TMEM132C: variants seen among roughly 807,000 people sequenced by gnomAD.
The protein encoded by TMEM132C is protein phosphatase 1, regulatory subunit 152.
A neutral mutation model predicts 61.4 loss-of-function variants in TMEM132C; 29 were observed. The observed-to-expected ratio is 0.47, with a 90% CI of 0.35 to 0.64. The LOEUF (loss-of-function observed/expected upper bound fraction) is 0.64. Among genes scored for constraint, TMEM132C ranks in the 30% least tolerant of loss-of-function variants. TMEM132C has a pLI of 0.00. For synonymous variants in TMEM132C, 656 were observed against 633.1 expected (o/e 1.04, Z -0.54); for missense variants, 1,408 against 1,476.9 (o/e 0.95, Z 0.76).
At chr12:128,346,207 T>C (rs1179810267) in intron 1 of TMEM132C, among the ~76,000 whole-genome samples, 2 of 152,192 alleles carry the variant, frequency 1.3e-5, no homozygotes, top group East Asian at 3.9e-4. Context: ...AAAGAGTAGA[T>C]AGCTGTAGGT....
chr12:128,604,272 G>A (rs187836747), intron 3 of TMEM132C, among the ~76,000 whole-genome samples: 249 of 152,230 alleles, frequency 1.6e-3, no homozygotes, highest in African/African-American at 5.5e-3. Flanking sequence ...AATGGATAGA[G>A]TGATTAATTG....
intron 3 of TMEM132C, among the ~76,000 whole-genome samples, chr12:128,576,783 A>G (rs955055211): frequency 6.6e-6 from 1 of 152,050 alleles, no homozygotes; most frequent in South Asian, 2.1e-4. Context: ...GGTTGTCGAC[A>G]TTGTTGTTGT....
At chr12:128,581,381 C>G (rs1214519890) in intron 3 of TMEM132C, among the ~76,000 whole-genome samples, 3 of 152,048 alleles carry the variant, frequency 2.0e-5, no homozygotes, top group African/African-American at 7.3e-5. Context: ...TGGTGAGGCC[C>G]CTTGCAGACT....
chr12:128,542,330 G>C (rs1873786308), intron 2 of TMEM132C, among the ~76,000 whole-genome samples: 1 of 152,076 alleles, frequency 6.6e-6, no homozygotes, highest in South Asian at 2.1e-4. Context: ...TCTTGAGTTG[G>C]AGCCTTGCTC....
At chr12:128,694,459 TG>T (rs1463047042) in intron 6 of TMEM132C, among the ~76,000 whole-genome samples, 5 of 152,230 alleles carry the variant, frequency 3.3e-5, no homozygotes, top group Non-Finnish European at 7.3e-5. Flanking sequence ...TAGTGGATGC[TG>T]GAATCATTAT....
intron 3 of TMEM132C, among the ~76,000 whole-genome samples, chr12:128,552,340 C>T (rs960424678): frequency 6.6e-6 from 1 of 152,186 alleles, no homozygotes; most frequent in African/African-American, 2.4e-5. Flanking sequence ...CAGAATAATA[C>T]TGTGTGTATT....
intron 2 of TMEM132C, among the ~76,000 whole-genome samples, chr12:128,539,843 C>T (rs1348129567): frequency 3.9e-5 from 6 of 152,130 alleles, no homozygotes; most frequent in Non-Finnish European, 1.5e-5. Flanking sequence ...GTATTGATCA[C>T]GTGGCCTGGT....
intron 4 of TMEM132C, among the ~76,000 whole-genome samples, chr12:128,666,216 C>G (rs11059817): frequency 0.23 from 34,632 of 149,272 alleles, 4,117 homozygotes; most frequent in South Asian, 0.35. Context: ...TAAACAGGCA[C>G]CCACACACAC....
chr12:128,306,483 T>G (rs1871788673), intron 1 of TMEM132C, among the ~76,000 whole-genome samples: 1 of 152,110 alleles, frequency 6.6e-6, no homozygotes, highest in South Asian at 2.1e-4. Flanking sequence ...ATTACAGGCG[T>G]GAGCCACCGC....
intron 2 of TMEM132C, among the ~76,000 whole-genome samples, chr12:128,467,897 C>T (rs776718030): frequency 5.9e-5 from 9 of 152,322 alleles, no homozygotes; most frequent in African/African-American, 9.6e-5. Context: ...GGATGCTCCT[C>T]GCCCTCATGA....
intron 2 of TMEM132C, among the ~76,000 whole-genome samples, chr12:128,495,875 A>T (rs1871934070): frequency 6.6e-6 from 1 of 152,154 alleles, no homozygotes; most frequent in South Asian, 2.1e-4. Context: ...TCCTGTCATT[A>T]TGATGTTAGC....
At chr12:128,351,107 G>A (rs904917675) in intron 1 of TMEM132C, among the ~76,000 whole-genome samples, 12 of 152,128 alleles carry the variant, frequency 7.9e-5, no homozygotes, top group South Asian at 2.1e-4. Context: ...GTGTGGGGTC[G>A]TCCTGTAACT....
At chr12:128,373,698 C>T (rs576875668) in intron 1 of TMEM132C, among the ~76,000 whole-genome samples, 27 of 152,238 alleles carry the variant, frequency 1.8e-4, no homozygotes, top group African/African-American at 6.0e-4. Flanking sequence ...TTAGAGGATA[C>T]GAAAGGATTC....
chr12:128,328,108 G>A (rs546902752), intron 1 of TMEM132C, among the ~76,000 whole-genome samples: 1 of 152,082 alleles, frequency 6.6e-6, no homozygotes, highest in Non-Finnish European at 1.5e-5. Flanking sequence ...GTGGGGGCAT[G>A]GGGAGTGGAG....
intron 2 of TMEM132C, among the ~76,000 whole-genome samples, chr12:128,500,420 G>A (rs969907847): frequency 1.3e-5 from 2 of 151,350 alleles, no homozygotes; most frequent in African/African-American, 4.9e-5. Flanking sequence ...CTGCAGAATG[G>A]TAACAATATT....
intron 4 of TMEM132C, among the ~76,000 whole-genome samples, chr12:128,664,537 T>C (rs1368365132): frequency 1.3e-5 from 2 of 152,200 alleles, no homozygotes; most frequent in African/African-American, 4.8e-5. Flanking sequence ...CAAGTCATAG[T>C]TATGCCTTTG....
At chr12:128,355,260 T>TGGAG in intron 1 of TMEM132C, among the ~76,000 whole-genome samples, 1 of 152,182 alleles carries the variant, frequency 6.6e-6, no homozygotes, top group African/African-American at 2.4e-5. Context: ...TCCCAGACCA[T>TGGAG]GGAGGGATCT....
intron 5 of TMEM132C, among the ~76,000 whole-genome samples, chr12:128,676,751 A>G (rs1231246348): frequency 1.3e-5 from 2 of 152,354 alleles, no homozygotes; most frequent in East Asian, 3.9e-4. Context: ...TCTTACAGAA[A>G]TAGAGCCATA....
At chr12:128,304,527 C>T (rs748319435) in intron 1 of TMEM132C, among the ~76,000 whole-genome samples, 17 of 151,864 alleles carry the variant, frequency 1.1e-4, no homozygotes, top group African/African-American at 3.9e-4. Flanking sequence ...GAGAATCGCT[C>T]GAACCCAGGA....
Sources: gnomAD v4.1 joint callset for allele counts (sites outside exome capture counted in the v4.1 genomes callset) on GRCh38, gnomAD v4.1.1 for gene constraint, MANE v1.5 for transcripts, NCBI Gene and HGNC (gene_info 2026-07-23, HGNC 2026-07-21) for gene names.